CUL2: variants seen among roughly 807,000 people sequenced by gnomAD.
The protein encoded by CUL2 is cullin-2.
In CUL2, 22 loss-of-function variants were observed where a neutral mutation model predicts 110.2. The observed-to-expected ratio is 0.20, with a 90% confidence interval of 0.14 to 0.28. CUL2 has a LOEUF of 0.28. Among genes scored for constraint, CUL2 ranks in the 10% least tolerant of loss-of-function variants. The probability of loss-of-function intolerance (pLI) is 1.00; values close to 1 mark genes in which losing one functional copy is unlikely to be tolerated. For missense variants in CUL2, 631 were observed against 905.5 expected, an observed-to-expected ratio of 0.70 and a Z score of 3.89; for synonymous variants, 279 against 293.2, an observed-to-expected ratio of 0.95 and a Z score of 0.49.
chr10:35,109,192 T>A (rs903788251), intron 1 of CUL2, among the ~76,000 whole-genome samples: 1 of 152,164 alleles, frequency 6.6e-6, no homozygotes, highest in Non-Finnish European at 1.5e-5. Context: ...GGTTAGGTTT[T>A]TAAGAAACAT....
At chr10:35,020,177 A>AT (rs1193728231) in intron 17 of CUL2, among the ~76,000 whole-genome samples, 1 of 152,234 alleles carries the variant, frequency 6.6e-6, no homozygotes, top group Non-Finnish European at 1.5e-5. Flanking sequence ...AAAAAAAAAA[A>AT]AAATAAATCA....
chr10:35,088,358 A>AT (rs1252276839), intron 1 of CUL2, among the ~76,000 whole-genome samples: 1 of 151,982 alleles, frequency 6.6e-6, no homozygotes, highest in African/African-American at 2.4e-5. Context: ...AAATACAAAA[A>AT]TTAGCTGGGC....
At chr10:35,041,940 TCA>T (rs1564715722) in intron 8 of CUL2, among the ~76,000 whole-genome samples, 1 of 152,224 alleles carries the variant, frequency 6.6e-6, no homozygotes, top group African/African-American at 2.4e-5. Context: ...ATTAAATAAT[TCA>T]CCCATTTAAA....
intron 1 of CUL2, among the ~76,000 whole-genome samples, chr10:35,110,027 T>C (rs367617457): frequency 6.6e-6 from 1 of 152,186 alleles, no homozygotes; most frequent in South Asian, 2.1e-4. Flanking sequence ...ATTGAAAAAT[T>C]AGCTGGGTGT....
At chr10:35,051,239 C>T (rs929945873) in intron 5 of CUL2, among the ~76,000 whole-genome samples, 5 of 146,628 alleles carry the variant, frequency 3.4e-5, no homozygotes, top group African/African-American at 1.3e-4. Flanking sequence ...GGTGTGAACC[C>T]GGGAGGCGGA....
chr10:35,016,944 A>C (rs1291475455), intron 17 of CUL2, among the ~76,000 whole-genome samples: 29 of 146,022 alleles, frequency 2.0e-4, no homozygotes, highest in African/African-American at 6.5e-4. Context: ...AAAAAAAAAC[A>C]AAAAAAAAAG....
chr10:35,092,239 A>G (rs1480184516), upstream of CUL2, among the ~76,000 whole-genome samples: 2 of 152,198 alleles, frequency 1.3e-5, no homozygotes, highest in Non-Finnish European at 1.5e-5. Context: ...TACAGGAGTG[A>G]GCCACCATGC....
chr10:35,073,272 G>A (rs2086728299), intron 1 of CUL2, among the ~76,000 whole-genome samples: 2 of 152,164 alleles, frequency 1.3e-5, no homozygotes, highest in Admixed American at 1.3e-4. Context: ...AGGGGAAGGT[G>A]AGAGTGGAGG....
chr10:35,089,815 C>CA (rs1234367700), intron 1 of CUL2: 1 of 151,790 alleles, frequency 6.6e-6, no homozygotes, highest in Admixed American at 6.6e-5. Context: ...GAGATGCCCC[C>CA]CCCCACACAC....
At chr10:35,011,471 A>G (rs538116305) in intron 20 of CUL2, among the ~76,000 whole-genome samples, 1 of 152,206 alleles carries the variant, frequency 6.6e-6, no homozygotes, top group Non-Finnish European at 1.5e-5. Flanking sequence ...TACAAAAATT[A>G]GCCAAGTATG....
Position 35,025,313 on chromosome 10 carries a change from C to T in CUL2, c.1618-115G>A, listed in dbSNP as rs1442387706. 3.0e-6 allele frequency: 4 copies of T among 1,339,578 alleles called. No individual in the cohort carries two copies. The East Asian group carries it at 1.1e-4, about 38-fold the overall frequency. The allele number at this position is 1,339,578 out of a possible 1,614,324, so 83.0% of individuals were successfully genotyped here. On this transcript the variant is annotated intron_variant, in intron 16 of 20. Transcript: ENST00000374749. The stretch of plus-strand genomic sequence containing the variant: ...ATTCATATTAGAAGAGACATTAAAG[C>T]CCATCTGGTTTACCTCCTTCTTTTA...
chr10:35,086,450 G>A (rs1437729502), intron 1 of CUL2, among the ~76,000 whole-genome samples: 1 of 152,052 alleles, frequency 6.6e-6, no homozygotes, highest in Non-Finnish European at 1.5e-5. Context: ...ACCACACCTG[G>A]CTAATTTCTG....
intron 1 of CUL2, among the ~76,000 whole-genome samples, chr10:35,114,253 A>G (rs988861762): frequency 6.6e-6 from 1 of 150,706 alleles, no homozygotes; most frequent in Non-Finnish European, 1.5e-5. Flanking sequence ...TAGTAGAGAC[A>G]GTGTTTCCCC....
chr10:35,063,590 A>G (rs2086439406), intron 2 of CUL2, among the ~76,000 whole-genome samples: 1 of 152,174 alleles, frequency 6.6e-6, no homozygotes, highest in Non-Finnish European at 1.5e-5. Flanking sequence ...TACCATGAAT[A>G]GGAATATCAA....
At chr10:35,112,677 G>GA (rs942984623) in intron 1 of CUL2, among the ~76,000 whole-genome samples, 2 of 152,002 alleles carry the variant, frequency 1.3e-5, no homozygotes, top group African/African-American at 4.8e-5. Context: ...GGAGTAGACA[G>GA]AAAAAAATCC....
chr10:35,020,922 C>T (rs543629289), intron 17 of CUL2, among the ~76,000 whole-genome samples: 50 of 150,982 alleles, frequency 3.3e-4, no homozygotes, highest in African/African-American at 1.2e-3. Context: ...CTCTCCTTTA[C>T]GTAGCTTGGT....
chr10:35,057,474 A>G (rs747598780), intron 4 of CUL2, among the ~76,000 whole-genome samples: 63 of 151,920 alleles, frequency 4.1e-4, no homozygotes, highest in Middle Eastern at 3.4e-3. Flanking sequence ...AACATGGTGA[A>G]ACCCCGTCTC....
intron 1 of CUL2, chr10:35,118,430 C>T (rs2087634578): frequency 6.6e-6 from 1 of 152,196 alleles, no homozygotes; most frequent in Non-Finnish European, 1.5e-5. Context: ...TCTTCCGGTT[C>T]ATGAGTGAAC....
At chr10:35,109,139 G>A (rs190523118) in intron 1 of CUL2, among the ~76,000 whole-genome samples, 2 of 152,290 alleles carry the variant, frequency 1.3e-5, no homozygotes, top group African/African-American at 4.8e-5. Flanking sequence ...CTTGAGCCTG[G>A]AGGTTGAGGC....
Sources: gnomAD v4.1 joint callset for allele counts (sites outside exome capture counted in the v4.1 genomes callset) on GRCh38, gnomAD v4.1.1 for gene constraint, MANE v1.5 for transcripts, NCBI Gene and HGNC (gene_info 2026-07-23, HGNC 2026-07-21) for gene names.